The following LRRC36 variants were observed in gnomAD, a reference collection of about 807,000 sequenced individuals.
The protein encoded by LRRC36 is leucine-rich repeat-containing protein 36.
In LRRC36, 62 loss-of-function variants were observed where a neutral mutation model predicts 81.1. The observed-to-expected ratio is 0.76, with a 90% CI of 0.62 to 0.94. The LOEUF (loss-of-function observed/expected upper bound fraction) is 0.94, where lower values mean the gene tolerates loss of function less well. LRRC36 is among the 40% of genes least tolerant of loss of function. LRRC36 has a pLI of 0.00. For synonymous variants in LRRC36, 334 were observed against 348.6 expected (o/e 0.96, Z 0.47); for missense variants, 761 against 881.7 (o/e 0.86, Z 1.73).
intron 1 of LRRC36, among the ~76,000 whole-genome samples, chr16:67,335,036 C>T (rs544142449): frequency 3.3e-5 from 5 of 152,166 alleles, no homozygotes; most frequent in East Asian, 1.9e-4. Flanking sequence ...ACCACAGGAC[C>T]GGGGTGAAAT....
chr16:67,327,490 C>G (rs1319313180), intron 1 of LRRC36, among the ~76,000 whole-genome samples: 1 of 151,986 alleles, frequency 6.6e-6, no homozygotes, highest in Admixed American at 6.6e-5. Context: ...GAGACTCCAT[C>G]TCAAAAATAA....
chr16:67,341,520 T>C (rs1351883438), intron 1 of LRRC36, among the ~76,000 whole-genome samples: 1 of 151,850 alleles, frequency 6.6e-6, no homozygotes, highest in African/African-American at 2.4e-5. Flanking sequence ...CTGGCTCTAT[T>C]TTTCTGCTGA....
At chr16:67,349,218 A>G (rs1355504275) in intron 4 of LRRC36, among the ~76,000 whole-genome samples, 4 of 152,148 alleles carry the variant, frequency 2.6e-5, no homozygotes, top group Admixed American at 6.5e-5. Flanking sequence ...TTTATTTACC[A>G]TATAATGATT....
At chr16:67,378,897 G>C (rs899904457) in intron 12 of LRRC36, among the ~76,000 whole-genome samples, 185 bp downstream of exon 12, 5 of 152,202 alleles carry the variant, frequency 3.3e-5, no homozygotes, top group African/African-American at 1.2e-4. Context: ...CAGGTGGCTT[G>C]AGTTACCAGA....
Position 67,367,094 on chromosome 16 carries a change from T to G in LRRC36, c.832T>G (p.Phe278Val). Residue 278 changes from phenylalanine to valine, a missense_variant, in exon 8 of 14, where the codon TTT becomes GTT. Coordinates refer to ENST00000329956, the MANE Select transcript of LRRC36 (RefSeq NM_018296.6). ...KMTREGYQVS[F>V]LDNKSSGSSP... ...GACTAGAGAAGGGTACCAAGTATCT[T>G]TTTTGGACAATAAGTCTTCAGGTTC... 1 of 1,614,164 alleles carries G rather than the reference T, an allele frequency of 6.2e-7. No individual in the cohort carries two copies. The highest frequency in any genetic ancestry group is 1.3e-5 in the African/African-American group (1 of 75,028).
intron 5 of LRRC36, among the ~76,000 whole-genome samples, chr16:67,353,611 T>G (rs2038759570): frequency 6.6e-6 from 1 of 152,160 alleles, no homozygotes; most frequent in Admixed American, 6.5e-5. Flanking sequence ...GGTCTCGAAC[T>G]CCTGGCCTCA....
chr16:67,364,445 C>G (rs2039295750), intron 6 of LRRC36, among the ~76,000 whole-genome samples: 1 of 152,186 alleles, frequency 6.6e-6, no homozygotes, highest in African/African-American at 2.4e-5. Context: ...AGCAAAGGCT[C>G]TGATTAATCC....
chr16:67,384,261 C>T (rs543813441), intron 13 of LRRC36, among the ~76,000 whole-genome samples: 1 of 152,170 alleles, frequency 6.6e-6, no homozygotes, highest in Non-Finnish European at 1.5e-5. Context: ...ATGGTGAAAC[C>T]TTGTCTCTAC....
intron 1 of LRRC36, 85 bp from the exon 2 acceptor site, chr16:67,341,872 T>C: frequency 2.8e-6 from 3 of 1,086,334 alleles, no homozygotes; most frequent in South Asian, 3.4e-5. Context: ...AGTTGAGATA[T>C]GGGAGGAAGA....
rs1316715828 is a variant in LRRC36, at chr16:67,331,465, C to T, written c.70+4533C>T. Among the ~76,000 whole-genome samples, 2 of 152,160 alleles carry T rather than the reference C, an allele frequency of 1.3e-5. 1 individual carries two copies. The highest frequency in any genetic ancestry group is 3.8e-4 in the East Asian group (2 of 5,202). On this transcript the variant is annotated intron_variant, in intron 1 of 13. Transcript: ENST00000329956. ...CTCTGACCCCAGGAGTTTTAGGCTGCAGTGCACTATGATAGTGCTACTGCC... is the reference window on the plus strand; with the variant it reads ...CTCTGACCCCAGGAGTTTTAGGCTGTAGTGCACTATGATAGTGCTACTGCC...
chr16:67,365,388 C>A (rs1391299386), intron 7 of LRRC36, 33 bp downstream of exon 7: 5 of 1,585,030 alleles, frequency 3.2e-6, no homozygotes, highest in Non-Finnish European at 4.3e-6. Context: ...ATTTTTCCCC[C>A]ACACTAATCA....
At chr16:67,349,101 A>C (rs80174098) in intron 4 of LRRC36, among the ~76,000 whole-genome samples, 12,384 of 152,238 alleles carry the variant, frequency 0.081, 793 homozygotes, top group African/African-American at 0.18. Flanking sequence ...ATTAATTTCT[A>C]TTTTAAATGC....
chr16:67,371,216 G>GCTACAGTTTCCAA lies in LRRC36; in HGVS notation c.1468_1469insCTACAGTTTCCAA (p.Gly490AlafsTer17). 1 of 1,614,166 alleles carries GCTACAGTTTCCAA rather than the reference G, an allele frequency of 6.2e-7. No individual in the cohort carries two copies. The highest frequency in any genetic ancestry group is 1.1e-5 in the South Asian group (1 of 91,070). Reference sequence around the variant, plus strand: ...CCTTGCCAACCTGAATCTAAAGCATGGTTTCCAAGATGCTACAGGCAGCGA... The same window carrying GCTACAGTTTCCAA: ...CCTTGCCAACCTGAATCTAAAGCATGCTACAGTTTCCAAGTTTCCAAGATGCTACAGGCAGCGA... On this transcript the variant is annotated frameshift_variant, in exon 9 of 14. Coordinates refer to ENST00000329956, the MANE Select transcript of LRRC36 (RefSeq NM_018296.6). LOFTEE classifies it high-confidence loss of function.
At position 67,371,077 on chromosome 16, in the gene LRRC36, G is replaced by A; in HGVS notation, c.1329G>A (p.Arg443=). ...SVPNNAVLGN[R]TTPLRTLLLS... ...CAAACAACGCTGTCCTGGGAAACAGGACAACTCCTCTGCGGACACTGCTGT... is the reference window on the plus strand; with the variant it reads ...CAAACAACGCTGTCCTGGGAAACAGAACAACTCCTCTGCGGACACTGCTGT... Residue 443 remains arginine (R), a synonymous_variant, in exon 9 of 14, where the codon AGG becomes AGA. Transcript: ENST00000329956. 1 of 1,614,180 alleles carries A rather than the reference G, an allele frequency of 6.2e-7. No homozygotes were observed. The highest frequency in any genetic ancestry group is 8.5e-7 in the Non-Finnish European group (1 of 1,180,038).
At chr16:67,330,991 A>G (rs1224628100) in intron 1 of LRRC36, among the ~76,000 whole-genome samples, 1 of 151,886 alleles carries the variant, frequency 6.6e-6, no homozygotes, top group Admixed American at 6.6e-5. Flanking sequence ...GAGAAGTCCA[A>G]GAGCATGGTG....
chr16:67,361,854 A>G (rs1243375163), intron 5 of LRRC36, among the ~76,000 whole-genome samples: 1 of 152,202 alleles, frequency 6.6e-6, no homozygotes, highest in African/African-American at 2.4e-5. Flanking sequence ...GGTATGAGCC[A>G]CCATGCCTGG....
At chr16:67,375,218 T>C in intron 9 of LRRC36, 29 bp from the exon 10 acceptor site, 1 of 1,605,010 alleles carries the variant, frequency 6.2e-7, no homozygotes. Flanking sequence ...TTTTTGTTTG[T>C]TTGTTTTTGC....
chr16:67,349,520 A>G (rs2038515905), intron 4 of LRRC36, among the ~76,000 whole-genome samples: 1 of 152,158 alleles, frequency 6.6e-6, no homozygotes, highest in Non-Finnish European at 1.5e-5. Flanking sequence ...TGTCTCCTCT[A>G]TAATTCTTGG....
chr16:67,359,525 T>C (rs79060497), intron 5 of LRRC36, among the ~76,000 whole-genome samples: 12,708 of 152,116 alleles, frequency 0.084, 1,750 homozygotes, highest in African/African-American at 0.29. Context: ...TTGGGGGTGA[T>C]GAAATATTCT....
Sources: gnomAD v4.1 joint callset for allele counts (sites outside exome capture counted in the v4.1 genomes callset) on GRCh38, gnomAD v4.1.1 for gene constraint, MANE v1.5 for transcripts, NCBI Gene and HGNC (gene_info 2026-07-23, HGNC 2026-07-21) for gene names.